PRKCB: variants seen among roughly 807,000 people sequenced by gnomAD.
The protein encoded by PRKCB is protein kinase C beta type.
A neutral mutation model predicts 81.5 loss-of-function variants in PRKCB; 13 were observed. The observed-to-expected ratio is 0.16, with a 90% CI of 0.10 to 0.25. The LOEUF is 0.25. PRKCB is among the 10% of genes least tolerant of loss of function. The pLI is 1.00. For missense variants in PRKCB, 509 were observed against 875.7 expected, an observed-to-expected ratio of 0.58 and a Z score of 5.29; for synonymous variants, 335 against 321.4, an observed-to-expected ratio of 1.04 and a Z score of -0.45.
intron 3 of PRKCB, among the ~76,000 whole-genome samples, chr16:24,016,751 A>G (rs1048485950): frequency 2.0e-5 from 3 of 152,130 alleles, no homozygotes; most frequent in East Asian, 1.9e-4. Context: ...AGCTCCCCCA[A>G]TCTGTTTTTC....
At chr16:23,880,448 G>T (rs1170446364) in intron 2 of PRKCB, among the ~76,000 whole-genome samples, 1 of 151,886 alleles carries the variant, frequency 6.6e-6, no homozygotes, top group Non-Finnish European at 1.5e-5. Flanking sequence ...TCCCGGGATG[G>T]GTTCTATTAG....
intron 2 of PRKCB, among the ~76,000 whole-genome samples, chr16:23,915,919 A>T (rs574072357): frequency 2.0e-5 from 3 of 152,102 alleles, no homozygotes; most frequent in African/African-American, 7.2e-5. Flanking sequence ...ATTTATATGT[A>T]TTTTAAATTA....
At chr16:23,939,145 A>T (rs752670651) in intron 2 of PRKCB, among the ~76,000 whole-genome samples, 1 of 152,210 alleles carries the variant, frequency 6.6e-6, no homozygotes, top group Non-Finnish European at 1.5e-5. Flanking sequence ...TTGATTGCTC[A>T]AAGGAAAAAA....
At chr16:24,049,443 A>AT (rs1965813631) in intron 5 of PRKCB, among the ~76,000 whole-genome samples, 1 of 135,856 alleles carries the variant, frequency 7.4e-6, no homozygotes. Flanking sequence ...CTAACCTGGC[A>AT]CATCCAGGAC....
At chr16:24,098,919 C>T (rs1241118666) in intron 7 of PRKCB, 1 of 152,092 alleles carries the variant, frequency 6.6e-6, no homozygotes, top group Non-Finnish European at 1.5e-5. Flanking sequence ...TTTTCTTTTT[C>T]CCCCAAGCTT....
intron 3 of PRKCB, among the ~76,000 whole-genome samples, chr16:24,006,734 C>G (rs1383458305): frequency 6.6e-6 from 1 of 151,432 alleles, no homozygotes; most frequent in African/African-American, 2.4e-5. Context: ...AGTTGCCTAA[C>G]AAACTCTTGG....
At chr16:24,152,840 C>A (rs1285106250) in intron 9 of PRKCB, among the ~76,000 whole-genome samples, 1 of 141,832 alleles carries the variant, frequency 7.1e-6, no homozygotes, top group Non-Finnish European at 1.5e-5. Context: ...CTCAGACTGG[C>A]AGCTTTTCTT....
At position 24,175,188 on chromosome 16, in the gene PRKCB, C is replaced by T. The variant is rs138765408; in HGVS notation, c.1394+608C>T. Among the ~76,000 whole-genome samples the T allele has an allele frequency of 3.2e-3, 484 of 152,174 alleles. 5 individuals carry two copies. The highest frequency in any genetic ancestry group is 0.011 in the African/African-American group (463 of 41,524). ...AGCAAGTCCAGGGCGTACAATTCTC[C>T]TTGTACTACATTGATGCAAATGGCA... On this transcript the variant is annotated intron_variant, in intron 12 of 16. Transcript: ENST00000643927.
At chr16:23,939,009 T>C (rs1260950308) in intron 2 of PRKCB, among the ~76,000 whole-genome samples, 1 of 152,212 alleles carries the variant, frequency 6.6e-6, no homozygotes, top group Non-Finnish European at 1.5e-5. Context: ...CAAGCCATCC[T>C]ACAACACATA....
intron 5 of PRKCB, among the ~76,000 whole-genome samples, chr16:24,067,300 T>C (rs576844182): frequency 2.6e-5 from 4 of 151,988 alleles, no homozygotes; most frequent in Non-Finnish European, 5.9e-5. Flanking sequence ...CCCTCTTGTC[T>C]GTTTTTTTAA....
At chr16:23,842,751 A>C (rs567172217) in intron 2 of PRKCB, among the ~76,000 whole-genome samples, 3 of 152,218 alleles carry the variant, frequency 2.0e-5, no homozygotes, top group Admixed American at 6.5e-5. Context: ...AAAAAACCCC[A>C]AAGTCTGACA....
intron 9 of PRKCB, among the ~76,000 whole-genome samples, chr16:24,146,220 AC>A (rs1459265730): frequency 6.6e-6 from 1 of 152,120 alleles, no homozygotes; most frequent in Non-Finnish European, 1.5e-5. Flanking sequence ...TTGATTTGGG[AC>A]TTCCAGCCTC....
chr16:23,887,884 A>C (rs910679569), intron 2 of PRKCB, among the ~76,000 whole-genome samples: 1 of 152,182 alleles, frequency 6.6e-6, no homozygotes, highest in African/African-American at 2.4e-5. Context: ...AGTGGCCAGC[A>C]GGCAGAATGC....
At chr16:23,898,067 A>ATTT (rs34425730) in intron 2 of PRKCB, among the ~76,000 whole-genome samples, 1 of 134,496 alleles carries the variant, frequency 7.4e-6, no homozygotes, top group Non-Finnish European at 1.6e-5. Flanking sequence ...TGCCCGGCTA[A>ATTT]TTTTTTTTTT....
intron 13 of PRKCB, among the ~76,000 whole-genome samples, chr16:24,183,144 A>G (rs1209744590): frequency 6.6e-6 from 1 of 151,942 alleles, no homozygotes; most frequent in African/African-American, 2.4e-5. Context: ...GTTCAATGAG[A>G]AGTGTTCTCC....
At chr16:24,063,639 A>G (rs1965999928) in intron 5 of PRKCB, among the ~76,000 whole-genome samples, 1 of 152,104 alleles carries the variant, frequency 6.6e-6, no homozygotes, top group Non-Finnish European at 1.5e-5. Context: ...TAAGGGGAGA[A>G]AGAATGGAGT....
chr16:24,171,831 T>A (rs1464403136), intron 10 of PRKCB, among the ~76,000 whole-genome samples: 1 of 152,162 alleles, frequency 6.6e-6, no homozygotes, highest in Non-Finnish European at 1.5e-5. Flanking sequence ...CCTCCCGGGT[T>A]CAAGTGAGTC....
At chr16:23,940,844 T>C (rs760836764) in intron 2 of PRKCB, among the ~76,000 whole-genome samples, 12 of 152,286 alleles carry the variant, frequency 7.9e-5, no homozygotes, top group Admixed American at 1.3e-4. Context: ...TGACCTTGGG[T>C]GATTATTTAC....
At chr16:23,938,873 G>A (rs1453399112) in intron 2 of PRKCB, among the ~76,000 whole-genome samples, 3 of 151,716 alleles carry the variant, frequency 2.0e-5, no homozygotes, top group South Asian at 2.1e-4. Context: ...ATTGCAATAC[G>A]GCAAAAAAGA....
Sources: gnomAD v4.1 joint callset for allele counts (sites outside exome capture counted in the v4.1 genomes callset) on GRCh38, gnomAD v4.1.1 for gene constraint, MANE v1.5 for transcripts, NCBI Gene and HGNC (gene_info 2026-07-23, HGNC 2026-07-21) for gene names.